The following RPGRIP1 variants were observed in gnomAD, a reference collection of about 807,000 sequenced individuals.
The protein encoded by RPGRIP1 is RPGR interacting protein 1, also known as X-linked retinitis pigmentosa GTPase regulator-interacting protein 1.
RPGRIP1 carries 128 observed loss-of-function variants against 157.9 expected under a neutral mutation model. The observed-to-expected ratio is 0.81, with a 90% CI of 0.70 to 0.94. The LOEUF (loss-of-function observed/expected upper bound fraction) is 0.94, where lower values mean the gene tolerates loss of function less well. Ranked by LOEUF, RPGRIP1 falls within the 40% of genes least tolerant of loss-of-function variation. The probability of loss-of-function intolerance (pLI) is 0.00; values close to 1 mark genes in which losing one functional copy is unlikely to be tolerated. For synonymous variants in RPGRIP1, 554 were observed against 571.6 expected (o/e 0.97, Z 0.44); for missense variants, 1,486 against 1,545.8 (o/e 0.96, Z 0.65).
intron 22 of RPGRIP1, among the ~76,000 whole-genome samples, 156 bp from the exon 23 acceptor site, chr14:21,344,957 A>C (rs1347619101): frequency 6.6e-6 from 1 of 151,950 alleles, no homozygotes; most frequent in African/African-American, 2.4e-5. Context: ...CACACACACA[A>C]ATGATTTTCA....
At chr14:21,283,231 A>G (rs1214321658) in intron 1 of RPGRIP1, among the ~76,000 whole-genome samples, 1 of 152,130 alleles carries the variant, frequency 6.6e-6, no homozygotes, top group Non-Finnish European at 1.5e-5. Context: ...CCTTCACATT[A>G]CTTTTCTACA....
rs34911429 is a variant in RPGRIP1 at position 21,320,595 on chromosome 14, C to CTTT, written c.1467+437_1467+439dup. On this transcript the variant is annotated intron_variant, in intron 12 of 24. Transcript: ENST00000400017. Reference sequence around the variant, plus strand: ...CGTAAGCCACCGCGCCCGGCCCACTCTTTTTTTTTTTTTTTTTTTTTGAGA... The same window carrying CTTT: ...CGTAAGCCACCGCGCCCGGCCCACTCTTTTTTTTTTTTTTTTTTTTTTTTGAGA... 3.1e-3 allele frequency among the ~76,000 whole-genome samples: 295 copies of CTTT among 95,148 alleles called. 9 individuals carry two copies. The highest frequency in any genetic ancestry group is 8.4e-3 in the South Asian group (21 of 2,504). 62.4% of individuals were successfully genotyped at this position (95,148 alleles called of 152,430 possible).
At chr14:21,288,678 C>G (rs912147661) in intron 2 of RPGRIP1, among the ~76,000 whole-genome samples, 4 of 150,712 alleles carry the variant, frequency 2.7e-5, no homozygotes, top group Non-Finnish European at 4.4e-5. Context: ...CCACGCTTGG[C>G]TAATTTGGTA....
At chr14:21,313,944 C>CTT (rs537298482) in intron 10 of RPGRIP1, among the ~76,000 whole-genome samples, 3 of 137,212 alleles carry the variant, frequency 2.2e-5, no homozygotes, top group Admixed American at 7.3e-5. Context: ...CACTTTTATT[C>CTT]TTTTTTTTTT....
chr14:21,305,546 T>A (rs1881263756), intron 6 of RPGRIP1, among the ~76,000 whole-genome samples: 1 of 152,196 alleles, frequency 6.6e-6, no homozygotes, highest in Admixed American at 6.5e-5. Flanking sequence ...ATATAAGTTT[T>A]CAACCTGGAG....
At chr14:21,313,443 G>C (rs148498508) in intron 10 of RPGRIP1, among the ~76,000 whole-genome samples, 2 of 152,106 alleles carry the variant, frequency 1.3e-5, no homozygotes, top group Non-Finnish European at 2.9e-5. Flanking sequence ...ATAAGAGATT[G>C]ATCACATAAA....
intron 2 of RPGRIP1, among the ~76,000 whole-genome samples, chr14:21,290,737 T>A (rs1880491193): frequency 6.6e-6 from 1 of 150,836 alleles, no homozygotes; most frequent in South Asian, 2.1e-4. Flanking sequence ...GAGAATGGCG[T>A]GAACCCGGGA....
At chr14:21,281,752 C>T (rs1880138849) in intron 1 of RPGRIP1, among the ~76,000 whole-genome samples, 3 of 144,946 alleles carry the variant, frequency 2.1e-5, no homozygotes, top group Admixed American at 1.4e-4. Context: ...GTAAGGGGAA[C>T]TGGCTACAAA....
intron 19 of RPGRIP1, among the ~76,000 whole-genome samples, chr14:21,329,731 GGT>G (rs1232856691): frequency 6.6e-6 from 1 of 150,878 alleles, no homozygotes; most frequent in African/African-American, 2.4e-5. Flanking sequence ...CCTGACCTCA[GGT>G]GATCCGCCTG....
intron 21 of RPGRIP1, among the ~76,000 whole-genome samples, chr14:21,336,527 C>A (rs1884382102): frequency 6.6e-6 from 1 of 152,094 alleles, no homozygotes; most frequent in Non-Finnish European, 1.5e-5. Context: ...AGAGAGAGAC[C>A]CTGTCTCAAA....
At chr14:21,310,327 A>G (rs1337051584) in intron 7 of RPGRIP1, among the ~76,000 whole-genome samples, 1 of 152,160 alleles carries the variant, frequency 6.6e-6, no homozygotes, top group South Asian at 2.1e-4. Flanking sequence ...TTCTTGGATA[A>G]TCCACCAAGT....
At chr14:21,347,790 A>G (rs985698108) in intron 23 of RPGRIP1, among the ~76,000 whole-genome samples, 1 of 152,166 alleles carries the variant, frequency 6.6e-6, no homozygotes, top group Non-Finnish European at 1.5e-5. Context: ...GTGCAGTGGC[A>G]TGAACACAGC....
At chr14:21,339,336 C>T (rs1003731576) in intron 21 of RPGRIP1, among the ~76,000 whole-genome samples, 1 of 151,866 alleles carries the variant, frequency 6.6e-6, no homozygotes. Context: ...ATCCTGGCTA[C>T]TCGAAAGGCG....
intron 1 of RPGRIP1, among the ~76,000 whole-genome samples, chr14:21,286,891 T>A (rs1880317998): frequency 6.6e-6 from 1 of 151,502 alleles, no homozygotes; most frequent in Non-Finnish European, 1.5e-5. Flanking sequence ...CCTGGCACGG[T>A]GGCTCATGCC....
In RPGRIP1 at chr14:21,303,400, C is replaced by T; in HGVS notation, c.657C>T (p.Cys219=). 6.2e-7 allele frequency: 1 copy of T among 1,613,774 alleles called. No individual in the cohort carries two copies. The highest frequency in any genetic ancestry group is 8.5e-7 in the Non-Finnish European group (1 of 1,179,786). The change falls in exon 6 of 25, where the codon TGC becomes TGT. Residue 219 remains cysteine, a synonymous_variant. Coordinates refer to ENST00000400017, the MANE Select transcript of RPGRIP1 (RefSeq NM_020366.4). Reference sequence around the variant, plus strand: ...GTATGGCTAAACCCATTGGTCTATGCATGCCTAACAGTGCCCACATCATGG... The same window carrying T: ...GTATGGCTAAACCCATTGGTCTATGTATGCCTAACAGTGCCCACATCATGG... The part of the protein sequence containing the change: ...VISMAKPIGL[C]MPNSAHIMAS...
At chr14:21,332,249 A>G (rs1252143172) in intron 20 of RPGRIP1, among the ~76,000 whole-genome samples, 3 of 152,110 alleles carry the variant, frequency 2.0e-5, no homozygotes, top group Non-Finnish European at 4.4e-5. Context: ...TAAAAGTATA[A>G]TTTTTAAGCT....
Position 21,327,605 on chromosome 14 carries a change from T to C in RPGRIP1, c.2711-18T>C. On this transcript the variant is annotated intron_variant, in intron 17 of 24. Transcript: ENST00000400017. Reference sequence around the variant, plus strand: ...ATTTCATGTGATCAGGTCTTATTAATATCTGTTTGTTTCTCAGGTGATTTT... The same window carrying C: ...ATTTCATGTGATCAGGTCTTATTAACATCTGTTTGTTTCTCAGGTGATTTT... 1 of 1,610,552 alleles carries C rather than the reference T, an allele frequency of 6.2e-7. No homozygotes were observed. The highest frequency in any genetic ancestry group is 1.1e-5 in the South Asian group (1 of 91,006).
At chr14:21,303,096 C>T (rs1881109564) in intron 5 of RPGRIP1, 2 of 409,664 alleles carry the variant, frequency 4.9e-6, no homozygotes, top group East Asian at 5.1e-5. Context: ...TCTCCAACTC[C>T]TGACCTTGTG....
chr14:21,317,532 C>T (rs1350669757), intron 10 of RPGRIP1, 164 bp from the exon 11 acceptor site: 3 of 1,505,712 alleles, frequency 2.0e-6, no homozygotes, highest in Non-Finnish European at 2.7e-6. Context: ...CTCAAAAGTT[C>T]CAAGGCAGTT....
Sources: allele counts gnomAD v4.1 joint callset (sites outside exome capture counted in the v4.1 genomes callset), GRCh38; gene constraint gnomAD v4.1.1; transcripts MANE v1.5; gene names NCBI Gene and HGNC (gene_info 2026-07-23, HGNC 2026-07-21).